The following RBFOX3 variants were observed in gnomAD, a reference collection of about 807,000 sequenced individuals.
The protein encoded by RBFOX3 is RNA binding protein fox-1 homolog 3.
RBFOX3 carries 17 observed loss-of-function variants against 48.7 expected under a neutral mutation model. The observed-to-expected ratio is 0.35, with a 90% CI of 0.24 to 0.52. The LOEUF (loss-of-function observed/expected upper bound fraction) is 0.52. Ranked by LOEUF, RBFOX3 falls within the 20% of genes least tolerant of loss-of-function variation. The pLI is 0.94. For missense variants in RBFOX3, 382 were observed against 497.5 expected (o/e 0.77, Z 2.21); for synonymous variants, 212 against 209.5 (o/e 1.01, Z -0.10).
intron 2 of RBFOX3, among the ~76,000 whole-genome samples, chr17:79,467,741 A>C (rs374285113): frequency 0.035 from 5,325 of 151,990 alleles, 128 homozygotes; most frequent in South Asian, 0.063. Context: ...AGGAGTGGGC[A>C]CCTCTCCTCC....
intron 2 of RBFOX3, among the ~76,000 whole-genome samples, chr17:79,425,682 G>T (rs1438207165): frequency 6.6e-6 from 1 of 152,202 alleles, no homozygotes; most frequent in Non-Finnish European, 1.5e-5. Context: ...AGCAAGGAAG[G>T]GGGAGAAGAC....
chr17:79,254,720 C>A lies in RBFOX3; in HGVS notation c.-73-18915G>T, dbSNP rs142868328. 1.3e-5 allele frequency among the ~76,000 whole-genome samples: 2 copies of A among 152,160 alleles called. No individual in the cohort carries two copies. The highest frequency in any genetic ancestry group is 4.8e-5 in the African/African-American group (2 of 41,432). ...GTGTCAGTCCAGGCTGTGAAAAACC[C>A]GCCCTGCCTGAGTGGGTGCCTTACC... On this transcript the variant is annotated intron_variant, in intron 3 of 14. Transcript: ENST00000693108. The surrounding 1 kb of genome is among the most constrained non-coding windows in gnomAD (Gnocchi z 4.8).
intron 4 of RBFOX3, among the ~76,000 whole-genome samples, chr17:79,168,192 G>A (rs1188620707): frequency 6.6e-6 from 1 of 152,170 alleles, no homozygotes; most frequent in Non-Finnish European, 1.5e-5. Flanking sequence ...CCTGACCCCT[G>A]ACCGGCAGGG....
At chr17:79,093,196 G>A (rs1479966059) in intron 14 of RBFOX3, among the ~76,000 whole-genome samples, 1 of 152,168 alleles carries the variant, frequency 6.6e-6, no homozygotes, top group Non-Finnish European at 1.5e-5. Context: ...GTCCTACTGG[G>A]GAGAGCGGGT....
chr17:79,176,159 T>A (rs56124327), intron 4 of RBFOX3, among the ~76,000 whole-genome samples: 27,153 of 152,172 alleles, frequency 0.18, 4,038 homozygotes, highest in African/African-American at 0.41. Context: ...CCCCACCTCT[T>A]TGCCTTCTCC....
chr17:79,288,644 C>A (rs1259516798), intron 3 of RBFOX3, among the ~76,000 whole-genome samples: 1 of 152,178 alleles, frequency 6.6e-6, no homozygotes, highest in Non-Finnish European at 1.5e-5. Flanking sequence ...GCTTCAGTGG[C>A]CCACACTCCA....
At chr17:79,626,365 C>T in the RBFOX3 span, among the ~76,000 whole-genome samples, 1 of 152,332 alleles carries the variant, frequency 6.6e-6, no homozygotes, top group African/African-American at 2.4e-5. Context: ...TCCTTCCCAG[C>T]TAGGGCAGGA....
chr17:79,324,073 C>T (rs1295921098), intron 2 of RBFOX3, among the ~76,000 whole-genome samples: 1 of 152,174 alleles, frequency 6.6e-6, no homozygotes, highest in Non-Finnish European at 1.5e-5. Context: ...TTCCTGGGAG[C>T]TTGCCAGAGC....
At chr17:79,612,832 C>T (rs961329421), upstream of RBFOX3, among the ~76,000 whole-genome samples, 3,119 of 152,288 alleles carry the variant, frequency 0.02, 62 homozygotes, top group East Asian at 0.12. Flanking sequence ...CACTGCCTGG[C>T]AGGCACCTGT....
chr17:79,411,927 G>A (rs1409010390), intron 2 of RBFOX3, among the ~76,000 whole-genome samples: 1 of 152,142 alleles, frequency 6.6e-6, no homozygotes, highest in Non-Finnish European at 1.5e-5. Flanking sequence ...GTGTATGCGA[G>A]TGTGTAGTAT....
At chr17:79,291,558 C>T (rs554445411) in intron 3 of RBFOX3, among the ~76,000 whole-genome samples, 10 of 152,310 alleles carry the variant, frequency 6.6e-5, no homozygotes, top group Admixed American at 3.3e-4. Flanking sequence ...ACTCAGAACC[C>T]TGTGTCATGC....
intron 4 of RBFOX3, among the ~76,000 whole-genome samples, chr17:79,172,783 A>G (rs2049630474): frequency 6.6e-6 from 1 of 152,260 alleles, no homozygotes; most frequent in Non-Finnish European, 1.5e-5. Flanking sequence ...AAGACAGTAC[A>G]GACACAAGAA....
chr17:79,200,482 G>A (rs1013194017), intron 4 of RBFOX3, among the ~76,000 whole-genome samples: 55 of 152,352 alleles, frequency 3.6e-4, no homozygotes, highest in African/African-American at 1.2e-3. Context: ...GACAGGAGTG[G>A]CCTCAGCACA....
chr17:79,228,310 G>A (rs551532557), intron 4 of RBFOX3, among the ~76,000 whole-genome samples: 3 of 152,156 alleles, frequency 2.0e-5, no homozygotes, highest in Non-Finnish European at 4.4e-5. Flanking sequence ...TGTGTGTCCT[G>A]CTCTCTGCAC....
chr17:79,179,015 G>A (rs765953814), intron 4 of RBFOX3, among the ~76,000 whole-genome samples: 14 of 152,132 alleles, frequency 9.2e-5, no homozygotes, highest in Non-Finnish European at 1.3e-4. Flanking sequence ...GCTGACCCGC[G>A]AGCCAGCGTG....
chr17:79,590,755 G>A (rs1461411617), intron 1 of RBFOX3, among the ~76,000 whole-genome samples: 1 of 152,140 alleles, frequency 6.6e-6, no homozygotes, highest in African/African-American at 2.4e-5. Flanking sequence ...ACCTCCTGGC[G>A]TTCAGATGGC....
rs181416040 is a variant in RBFOX3, at chr17:79,340,745, A to C, written c.-174-32921T>G. On this transcript the variant is annotated intron_variant, in intron 2 of 14. Coordinates refer to ENST00000693108, the MANE Select transcript of RBFOX3 (RefSeq NM_001350451.2). ...ATGAAAAAAAAAAGTAAGGAAAAGA[A>C]AAAAGATGAAAACATCTGTAATGAA... is the stretch of plus-strand genomic sequence containing the variant. Among the ~76,000 whole-genome samples, 6 of 152,366 alleles carry C rather than the reference A, an allele frequency of 3.9e-5. No individual in the cohort carries two copies. In the East Asian group the frequency reaches 1.2e-3, roughly 29 times the overall value.
intron 2 of RBFOX3, among the ~76,000 whole-genome samples, chr17:79,329,523 T>G (rs1244387120): frequency 1.3e-5 from 2 of 152,070 alleles, no homozygotes; most frequent in Non-Finnish European, 2.9e-5. Flanking sequence ...CTTCCTTCAT[T>G]AAAGGGCCAC....
chr17:79,267,503 G>T (rs759012985), intron 3 of RBFOX3, among the ~76,000 whole-genome samples: 7 of 152,188 alleles, frequency 4.6e-5, no homozygotes, highest in South Asian at 2.1e-4. Flanking sequence ...TGATTCTCCT[G>T]CTTCAGCCTC....
Sources: allele counts gnomAD v4.1 joint callset (sites outside exome capture counted in the v4.1 genomes callset), GRCh38; gene constraint gnomAD v4.1.1; non-coding constraint Gnocchi (gnomAD v3.1); transcripts MANE v1.5; gene names NCBI Gene and HGNC (gene_info 2026-07-23, HGNC 2026-07-21).